The following KCND2 variants were observed in gnomAD, a reference collection of about 807,000 sequenced individuals.
The protein encoded by KCND2 is A-type voltage-gated potassium channel KCND2.
In KCND2, 16 loss-of-function variants were observed where a neutral mutation model predicts 54.4. The observed-to-expected ratio is 0.29, with a 90% CI of 0.20 to 0.45. The LOEUF (loss-of-function observed/expected upper bound fraction) is 0.45, where lower values mean the gene tolerates loss of function less well. Among genes scored for constraint, KCND2 ranks in the 20% least tolerant of loss-of-function variants. The probability of loss-of-function intolerance (pLI) is 1.00; values close to 1 mark genes in which losing one functional copy is unlikely to be tolerated. For missense variants in KCND2, 486 were observed against 824.2 expected (o/e 0.59, Z 5.02); for synonymous variants, 317 against 310.7 (o/e 1.02, Z -0.21).
chr7:120,317,127 G>A (rs192996473), intron 1 of KCND2, among the ~76,000 whole-genome samples: 122 of 152,100 alleles, frequency 8.0e-4, no homozygotes, highest in Middle Eastern at 3.4e-3. Context: ...GAGCCACCAC[G>A]CCGGGCCCTA....
intron 1 of KCND2, among the ~76,000 whole-genome samples, chr7:120,662,211 T>TA (rs962306329): frequency 9.2e-5 from 14 of 152,170 alleles, no homozygotes; most frequent in African/African-American, 3.4e-4. Context: ...CTATAGTTTT[T>TA]ATCCTTGTCT....
chr7:120,589,943 A>T (rs1388740717), intron 1 of KCND2, among the ~76,000 whole-genome samples: 1 of 152,184 alleles, frequency 6.6e-6, no homozygotes, highest in African/African-American at 2.4e-5. Flanking sequence ...TCAGAAACAG[A>T]GCTCTAAAGT....
At chr7:120,585,067 G>T (rs1792575492) in intron 1 of KCND2, among the ~76,000 whole-genome samples, 1 of 152,122 alleles carries the variant, frequency 6.6e-6, no homozygotes, top group South Asian at 2.1e-4. Context: ...AACTCTGAAG[G>T]CATCTCGTAG....
intron 1 of KCND2, among the ~76,000 whole-genome samples, chr7:120,691,215 G>A (rs776197374): frequency 1.3e-5 from 2 of 152,166 alleles, no homozygotes; most frequent in African/African-American, 2.4e-5. Context: ...AAGGCTTGAA[G>A]CAAAGAAGTA....
intron 1 of KCND2, among the ~76,000 whole-genome samples, chr7:120,351,412 A>ACTCTCTCT (rs60390632): frequency 9.0e-5 from 9 of 99,786 alleles, no homozygotes; most frequent in Non-Finnish European, 1.6e-4. Context: ...ACACACACAC[A>ACTCTCTCT]CTCTCTCTCT....
intron 1 of KCND2, among the ~76,000 whole-genome samples, chr7:120,382,856 T>G (rs1800933614): frequency 6.6e-6 from 1 of 151,880 alleles, no homozygotes; most frequent in Non-Finnish European, 1.5e-5. Flanking sequence ...ATATTTTGGT[T>G]TTGATATGTA....
At chr7:120,406,997 C>T (rs570832985) in intron 1 of KCND2, among the ~76,000 whole-genome samples, 4 of 151,704 alleles carry the variant, frequency 2.6e-5, no homozygotes, top group African/African-American at 9.7e-5. Flanking sequence ...AGCTATTCCT[C>T]GGGGATGCAG....
At chr7:120,701,445 C>A (rs1247397521) in intron 1 of KCND2, among the ~76,000 whole-genome samples, 1 of 151,906 alleles carries the variant, frequency 6.6e-6, no homozygotes, top group African/African-American at 2.4e-5. Context: ...TTAGGATAGC[C>A]AAGTGCTCAT....
At chr7:120,708,967 A>G (rs1299764486) in intron 1 of KCND2, among the ~76,000 whole-genome samples, 17 of 152,136 alleles carry the variant, frequency 1.1e-4, no homozygotes. Context: ...ACTGAATCTT[A>G]GAAAAGTTAA....
chr7:120,672,242 A>T (rs973107723), intron 1 of KCND2, among the ~76,000 whole-genome samples: 1 of 152,068 alleles, frequency 6.6e-6, no homozygotes, highest in Non-Finnish European at 1.5e-5. Flanking sequence ...AAAAAAAATC[A>T]TAAAGGAAAA....
chr7:120,660,228 A>G (rs1410527150), intron 1 of KCND2, among the ~76,000 whole-genome samples: 1 of 152,224 alleles, frequency 6.6e-6, no homozygotes, highest in Non-Finnish European at 1.5e-5. Context: ...TCCTATCGTC[A>G]GTTCTGAAGT....
chr7:120,626,888 AAAAAGTCCCT>A (rs1238671276), intron 1 of KCND2, among the ~76,000 whole-genome samples: 2 of 152,216 alleles, frequency 1.3e-5, no homozygotes, highest in African/African-American at 2.4e-5. Context: ...TCTCACTCCA[AAAAAGTCCCT>A]AAAGAAATCC....
intron 1 of KCND2, among the ~76,000 whole-genome samples, chr7:120,535,843 T>A (rs572872083): frequency 6.6e-6 from 1 of 152,276 alleles, no homozygotes; most frequent in Admixed American, 6.5e-5. Context: ...TAGGCCATGA[T>A]GCTCAGAAGA....
intron 1 of KCND2, among the ~76,000 whole-genome samples, chr7:120,591,256 CAT>C (rs1054463698): frequency 6.6e-6 from 1 of 152,108 alleles, no homozygotes; most frequent in African/African-American, 2.4e-5. Flanking sequence ...GTTTAAATAA[CAT>C]ATTGGTACAT....
chr7:120,432,269 C>T (rs1801802303), intron 1 of KCND2, among the ~76,000 whole-genome samples: 1 of 152,126 alleles, frequency 6.6e-6, no homozygotes, highest in Admixed American at 6.6e-5. Flanking sequence ...GTAAAGATTG[C>T]CCCAGAATGA....
chr7:120,335,311 A>T (rs2109720), intron 1 of KCND2, among the ~76,000 whole-genome samples: 3,065 of 148,122 alleles, frequency 0.021, 119 homozygotes, highest in African/African-American at 0.072. Context: ...TGCAGTGAGA[A>T]TATGCCACTG....
intron 1 of KCND2, among the ~76,000 whole-genome samples, chr7:120,688,248 G>A (rs1792228661): frequency 6.6e-6 from 1 of 152,084 alleles, no homozygotes; most frequent in Admixed American, 6.6e-5. Flanking sequence ...GTACCATATA[G>A]TAAATATTTT....
At chr7:120,639,907 T>C (rs1384083236) in intron 1 of KCND2, among the ~76,000 whole-genome samples, 1 of 152,128 alleles carries the variant, frequency 6.6e-6, no homozygotes, top group Non-Finnish European at 1.5e-5. Flanking sequence ...TTTTCTATTT[T>C]TTTTTTACCT....
At chr7:120,400,755 C>CA (rs1208561973) in intron 1 of KCND2, among the ~76,000 whole-genome samples, 1 of 152,106 alleles carries the variant, frequency 6.6e-6, no homozygotes, top group African/African-American at 2.4e-5. Context: ...GTAGGCTATG[C>CA]AGTCTGTGAC....
Sources: allele counts gnomAD v4.1 joint callset (sites outside exome capture counted in the v4.1 genomes callset), GRCh38; gene constraint gnomAD v4.1.1; transcripts MANE v1.5; gene names NCBI Gene and HGNC (gene_info 2026-07-23, HGNC 2026-07-21).